YWHAQ: variants seen among roughly 807,000 people sequenced by gnomAD.
YWHAQ encodes the protein tyrosine 3-monooxygenase/tryptophan 5-monooxygenase activation protein theta.
YWHAQ carries 6 observed loss-of-function variants against 28.3 expected under a neutral mutation model. The observed-to-expected ratio is 0.21, with a 90% CI of 0.12 to 0.42. YWHAQ has a LOEUF of 0.42. Ranked by LOEUF, YWHAQ falls within the 10% of genes least tolerant of loss-of-function variation. The pLI, the probability that YWHAQ is intolerant of heterozygous loss-of-function variation, is 1.00. For missense variants in YWHAQ, 201 were observed against 305.6 expected (o/e 0.66, Z 2.55); for synonymous variants, 143 against 119.1 (o/e 1.20, Z -1.31).
chr2:9,608,939 T>TCAAA (rs35056773), intron 2 of YWHAQ, among the ~76,000 whole-genome samples: 27,191 of 151,608 alleles, frequency 0.18, 2,744 homozygotes, highest in Middle Eastern at 0.25. Flanking sequence ...AGACTCCAAA[T>TCAAA]CAAACAAACA....
Position 9,585,168 on chromosome 2 carries a change from A to T in YWHAQ, c.*118T>A, listed in dbSNP as rs1666317673. ...AAGCTGCAGTGTGAAAAGACTATAA[A>T]CAGTTGATTCCATACACATGAATGG... is the stretch of plus-strand genomic sequence containing the variant. On this transcript the variant is annotated 3_prime_UTR_variant, in exon 6 of 6. Coordinates refer to ENST00000238081, the MANE Select transcript of YWHAQ (RefSeq NM_006826.4). 8.9e-7 allele frequency: 1 copy of T among 1,123,134 alleles called. No individual in the cohort carries two copies. Among genetic ancestry groups the T allele is most frequent in the South Asian group, 1.4e-5 (1 of 73,160 alleles). 69.6% of individuals were successfully genotyped at this position (1,123,134 alleles called of 1,614,324 possible).
In YWHAQ at chr2:9,630,518, G is replaced by T; in HGVS notation, c.-66C>A. On this transcript the variant is annotated 5_prime_UTR_variant, in exon 2 of 6. Coordinates refer to ENST00000238081, the MANE Select transcript of YWHAQ (RefSeq NM_006826.4). This position sits in a 1 kb window ranked among gnomAD's most constrained non-coding sequence, Gnocchi z 5.6. Reference sequence around the variant, plus strand: ...GCGAGGGCGAGCGCCGACCCGCAGCGGGAGGAGCCTCGAGAGCTGCGGAGG... The same window carrying T: ...GCGAGGGCGAGCGCCGACCCGCAGCTGGAGGAGCCTCGAGAGCTGCGGAGG... 1 of 1,443,084 alleles carries T rather than the reference G, an allele frequency of 6.9e-7. No individual in the cohort carries two copies. The highest frequency in any genetic ancestry group is 1.4e-5 in the South Asian group (1 of 72,690). 89.4% of individuals were successfully genotyped at this position (1,443,084 alleles called of 1,614,324 possible). A position where few individuals can be genotyped will look rare whatever the true frequency, so the allele number is the denominator to read the frequency against.
intron 2 of YWHAQ, among the ~76,000 whole-genome samples, chr2:9,626,787 C>T (rs1667255781): frequency 1.3e-5 from 2 of 152,298 alleles, no homozygotes; most frequent in South Asian, 4.1e-4. Context: ...GTAAGATCAC[C>T]AATGACTTCT....
intron 2 of YWHAQ, among the ~76,000 whole-genome samples, chr2:9,623,319 T>C (rs953378255): frequency 2.6e-5 from 4 of 152,360 alleles, no homozygotes; most frequent in Admixed American, 2.6e-4. Context: ...TGTATACACA[T>C]ACCTTTTCAG....
chr2:9,601,767 T>C (rs571109302), intron 2 of YWHAQ, among the ~76,000 whole-genome samples: 17 of 152,282 alleles, frequency 1.1e-4, no homozygotes, highest in Non-Finnish European at 2.1e-4. Context: ...GGCCTCAGCC[T>C]CCTGTGTAGC....
intron 3 of YWHAQ, among the ~76,000 whole-genome samples, chr2:9,590,915 T>A (rs761784594): frequency 6.6e-6 from 1 of 152,200 alleles, no homozygotes. Flanking sequence ...TTATATGTAA[T>A]TAGCAGTCAA....
intron 2 of YWHAQ, among the ~76,000 whole-genome samples, chr2:9,628,362 GTCTC>G (rs1667288716): frequency 6.6e-6 from 1 of 152,048 alleles, no homozygotes; most frequent in Admixed American, 6.6e-5. Flanking sequence ...ATAACACCTG[GTCTC>G]TCTCTCAAGC....
At chr2:9,608,833 A>C (rs1186034155) in intron 2 of YWHAQ, among the ~76,000 whole-genome samples, 1 of 152,128 alleles carries the variant, frequency 6.6e-6, no homozygotes, top group Non-Finnish European at 1.5e-5. Flanking sequence ...CCAGCTACTC[A>C]GGAGGCTGAG....
chr2:9,628,358 C>T (rs1296372821), intron 2 of YWHAQ, among the ~76,000 whole-genome samples: 1 of 152,192 alleles, frequency 6.6e-6, no homozygotes, highest in East Asian at 1.9e-4. Flanking sequence ...TCTAATAACA[C>T]CTGGTCTCTC....
chr2:9,620,316 T>C (rs984997267), intron 2 of YWHAQ, among the ~76,000 whole-genome samples: 4 of 152,190 alleles, frequency 2.6e-5, no homozygotes, highest in Non-Finnish European at 4.4e-5. Flanking sequence ...GATACTGTAG[T>C]AAAAATCCAG....
intron 2 of YWHAQ, among the ~76,000 whole-genome samples, chr2:9,605,656 G>T (rs1666810240): frequency 6.6e-6 from 1 of 151,928 alleles, no homozygotes; most frequent in African/African-American, 2.4e-5. Flanking sequence ...TGCTTCCCGG[G>T]TTCAGGCAAT....
rs747814536 is a variant in YWHAQ, at chr2:9,613,632, T to C, written c.294+16527A>G. Reference sequence around the variant, plus strand: ...ATTATCTCCATGACCCAAATATTTCTCGACATCTTTTCCCAGTCCATCTGA... The same window carrying C: ...ATTATCTCCATGACCCAAATATTTCCCGACATCTTTTCCCAGTCCATCTGA... On this transcript the variant is annotated intron_variant, in intron 2 of 5. Transcript: ENST00000238081. 8.5e-5 allele frequency among the ~76,000 whole-genome samples: 13 copies of C among 152,318 alleles called. No individual in the cohort carries two copies. In the South Asian group the frequency reaches 1.2e-3, roughly 15 times the overall value.
At chr2:9,624,303 T>G (rs568212072) in intron 2 of YWHAQ, among the ~76,000 whole-genome samples, 2 of 152,154 alleles carry the variant, frequency 1.3e-5, no homozygotes, top group South Asian at 4.2e-4. Context: ...TAGGACCCAC[T>G]GAATAAGTTT....
At position 9,630,694 on chromosome 2, in the gene YWHAQ, C is replaced by A; in HGVS notation, c.-82-160G>T. On this transcript the variant is annotated intron_variant, in intron 1 of 5. Coordinates refer to ENST00000238081, the MANE Select transcript of YWHAQ (RefSeq NM_006826.4). The surrounding 1 kb of genome is among the most constrained non-coding windows in gnomAD (Gnocchi z 5.6). ...GCTGGGCACCCGGGGAGGCCGCGGC[C>A]CGCGGCTGGAGGAGGCGGGGGCGGC... The A allele has an allele frequency of 3.7e-6, 1 of 268,286 alleles. No individual in the cohort carries two copies. The highest frequency in any genetic ancestry group is 6.9e-6 in the Non-Finnish European group (1 of 144,676). The allele number at this position is 268,286 out of a possible 1,614,324, so 16.6% of individuals were successfully genotyped here.
chr2:9,600,662 G>A (rs142681252), intron 2 of YWHAQ, among the ~76,000 whole-genome samples: 5,902 of 151,886 alleles, frequency 0.039, 156 homozygotes, highest in Non-Finnish European at 0.056. Context: ...CCGAGGTCGC[G>A]CCATTGCACT....
At chr2:9,594,095 G>T (rs896206897) in intron 2 of YWHAQ, among the ~76,000 whole-genome samples, 2 of 151,858 alleles carry the variant, frequency 1.3e-5, no homozygotes, top group African/African-American at 4.8e-5. Context: ...GCTCAAGTTG[G>T]AAAGTTGCTG....
At chr2:9,594,027 T>G (rs77607996) in intron 2 of YWHAQ, among the ~76,000 whole-genome samples, 3,304 of 150,628 alleles carry the variant, frequency 0.022, 57 homozygotes, top group Non-Finnish European at 0.037. Flanking sequence ...AGTATAAAAT[T>G]ATGTATCGAA....
chr2:9,619,872 A>C (rs1181292528), intron 2 of YWHAQ, among the ~76,000 whole-genome samples: 1 of 152,246 alleles, frequency 6.6e-6, no homozygotes, highest in Non-Finnish European at 1.5e-5. Flanking sequence ...AATATGTTTA[A>C]CTGCAGAGGT....
chr2:9,598,012 T>TTTTTTTTTA (rs1553373009), intron 2 of YWHAQ, among the ~76,000 whole-genome samples: 1 of 132,174 alleles, frequency 7.6e-6, no homozygotes, highest in African/African-American at 2.8e-5. Flanking sequence ...TTTTTTTTTT[T>TTTTTTTTTA]TAGTAGAGAC....
Sources: allele counts gnomAD v4.1 joint callset (sites outside exome capture counted in the v4.1 genomes callset), GRCh38; gene constraint gnomAD v4.1.1; non-coding constraint Gnocchi (gnomAD v3.1); transcripts MANE v1.5; gene names NCBI Gene and HGNC (gene_info 2026-07-23, HGNC 2026-07-21).